PRKD1: variants seen among roughly 807,000 people sequenced by gnomAD.
PRKD1 encodes serine/threonine-protein kinase D1.
PRKD1 carries 63 observed loss-of-function variants against 95.9 expected under a neutral mutation model. The observed-to-expected ratio is 0.66, with a 90% CI of 0.54 to 0.81. The LOEUF is 0.81. PRKD1 is among the 30% of genes least tolerant of loss of function. The pLI is 0.00. For synonymous variants in PRKD1, 425 were observed against 423.1 expected, an observed-to-expected ratio of 1.00 and a Z score of -0.05; for missense variants, 1,048 against 1,165.3, an observed-to-expected ratio of 0.90 and a Z score of 1.47.
At chr14:29,706,639 AG>A (rs1885106175) in intron 2 of PRKD1, among the ~76,000 whole-genome samples, 1 of 152,198 alleles carries the variant, frequency 6.6e-6, no homozygotes. Context: ...AACAACAAGA[AG>A]AAAAAATGTT....
chr14:29,843,258 A>C (rs759600345), intron 1 of PRKD1, among the ~76,000 whole-genome samples: 1 of 152,154 alleles, frequency 6.6e-6, no homozygotes, highest in Admixed American at 6.5e-5. Context: ...CTACAAACCA[A>C]AGAGAGAGGT....
chr14:29,874,681 T>C (rs575138310), intron 1 of PRKD1, among the ~76,000 whole-genome samples: 4 of 152,176 alleles, frequency 2.6e-5, no homozygotes, highest in Non-Finnish European at 5.9e-5. Context: ...ATCTTGTCAT[T>C]TGCAACAACA....
intron 1 of PRKD1, among the ~76,000 whole-genome samples, chr14:29,761,613 C>A (rs1046398209): frequency 2.6e-5 from 4 of 152,062 alleles, no homozygotes; most frequent in African/African-American, 9.7e-5. Context: ...GTGCTATCAG[C>A]TGATTATTAT....
intron 1 of PRKD1, among the ~76,000 whole-genome samples, chr14:29,860,931 A>G (rs867280862): frequency 3.3e-5 from 5 of 152,304 alleles, no homozygotes; most frequent in Non-Finnish European, 7.4e-5. Flanking sequence ...ATCTTCCCCA[A>G]TTATGGGTTA....
chr14:29,611,100 T>C (rs1481842154), intron 13 of PRKD1, among the ~76,000 whole-genome samples: 3 of 152,192 alleles, frequency 2.0e-5, no homozygotes, highest in Non-Finnish European at 4.4e-5. Context: ...TCCAAACCCA[T>C]GGAATATTCA....
rs759403461 is a variant in PRKD1 at position 29,629,101 on chromosome 14, T to C, written c.1673-8A>G. On this transcript the variant is annotated splice_region_variant and splice_polypyrimidine_tract_variant and intron_variant, in intron 10 of 17. Transcript: ENST00000331968. ...TACTCACAGAGATATCTCCTGGAAA[T>C]GCATGTAAAACAATATGCACACAAA... The C allele has an allele frequency of 6.2e-7, 1 of 1,604,982 alleles. No individual in the cohort carries two copies. Among genetic ancestry groups the C allele is most frequent in the South Asian group, 1.1e-5 (1 of 89,126 alleles).
chr14:29,721,565 T>C (rs1332414981), intron 2 of PRKD1, among the ~76,000 whole-genome samples: 1 of 152,200 alleles, frequency 6.6e-6, no homozygotes, highest in East Asian at 1.9e-4. Flanking sequence ...ATTTGTTTGC[T>C]AAGGCTGAAT....
intron 1 of PRKD1, among the ~76,000 whole-genome samples, chr14:29,914,203 C>T (rs1490321606): frequency 6.6e-6 from 1 of 152,154 alleles, no homozygotes; most frequent in African/African-American, 2.4e-5. Flanking sequence ...AGGGAAGTTA[C>T]GTGTTGGCAT....
rs553778452 is a variant in PRKD1, at chr14:29,625,300, T to C, written c.1799-1042A>G. 6.6e-5 allele frequency among the ~76,000 whole-genome samples: 10 copies of C among 152,344 alleles called. No individual in the cohort carries two copies. In the South Asian group the frequency reaches 2.1e-3, roughly 32 times the overall value. On this transcript the variant is annotated intron_variant, in intron 12 of 17. Coordinates refer to ENST00000331968, the MANE Select transcript of PRKD1 (RefSeq NM_002742.3). ...TCAAGGCCATGACTTCTTTCATCTC[T>C]ACTCCTCCGTCACTGTAGTACTTGA... is the stretch of plus-strand genomic sequence containing the variant.
intron 1 of PRKD1, among the ~76,000 whole-genome samples, chr14:29,861,731 C>T (rs1892716946): frequency 6.6e-6 from 1 of 152,160 alleles, no homozygotes; most frequent in Non-Finnish European, 1.5e-5. Context: ...TGGCTCACTG[C>T]AACCTCTGCC....
At chr14:29,697,415 G>C (rs1884587624) in intron 2 of PRKD1, among the ~76,000 whole-genome samples, 1 of 152,124 alleles carries the variant, frequency 6.6e-6, no homozygotes, top group African/African-American at 2.4e-5. Flanking sequence ...ATGTACACAA[G>C]ATTAAACATT....
chr14:29,851,287 A>AT (rs1892298719), intron 1 of PRKD1, among the ~76,000 whole-genome samples: 1 of 152,128 alleles, frequency 6.6e-6, no homozygotes, highest in East Asian at 1.9e-4. Context: ...TAGTAAACAG[A>AT]TAACCTACAG....
intron 1 of PRKD1, among the ~76,000 whole-genome samples, chr14:29,827,416 T>C (rs1362976177): frequency 6.6e-6 from 1 of 152,106 alleles, no homozygotes; most frequent in East Asian, 1.9e-4. Context: ...ATGCATACTC[T>C]GGACTCTGAG....
At chr14:29,775,353 C>A (rs528128022) in intron 1 of PRKD1, among the ~76,000 whole-genome samples, 2 of 152,182 alleles carry the variant, frequency 1.3e-5, no homozygotes, top group Non-Finnish European at 2.9e-5. Flanking sequence ...CGAGGCATCG[C>A]CTCACCCGGG....
intron 1 of PRKD1, 132 bp downstream of exon 1, chr14:29,927,117 C>T: frequency 1.9e-6 from 2 of 1,031,114 alleles, no homozygotes; most frequent in East Asian, 3.8e-5. Context: ...GGGCCAGCCG[C>T]TTCCAGAGCG....
intron 13 of PRKD1, among the ~76,000 whole-genome samples, chr14:29,609,858 C>T (rs1295345646): frequency 6.6e-6 from 1 of 151,778 alleles, no homozygotes; most frequent in Non-Finnish European, 1.5e-5. Flanking sequence ...CATGCCCGGC[C>T]AAAAACCATG....
At chr14:29,609,813 C>T (rs1263376449) in intron 13 of PRKD1, among the ~76,000 whole-genome samples, 1 of 150,998 alleles carries the variant, frequency 6.6e-6, no homozygotes, top group East Asian at 2.0e-4. Flanking sequence ...TCTGCCTCAG[C>T]CTCCCAAAGT....
intron 1 of PRKD1, among the ~76,000 whole-genome samples, chr14:29,742,987 A>G (rs1887049435): frequency 6.6e-6 from 1 of 152,198 alleles, no homozygotes; most frequent in South Asian, 2.1e-4. Flanking sequence ...GTCACAGTCA[A>G]TCCCCAAAAA....
At chr14:29,835,879 A>G (rs1891593692) in intron 1 of PRKD1, among the ~76,000 whole-genome samples, 1 of 152,192 alleles carries the variant, frequency 6.6e-6, no homozygotes, top group Non-Finnish European at 1.5e-5. Flanking sequence ...TGAACAAAAT[A>G]CTTTTAAATC....
Sources: allele counts gnomAD v4.1 joint callset (sites outside exome capture counted in the v4.1 genomes callset), GRCh38; gene constraint gnomAD v4.1.1; transcripts MANE v1.5; gene names NCBI Gene and HGNC (gene_info 2026-07-23, HGNC 2026-07-21).